NOP53: variants seen among roughly 807,000 people sequenced by gnomAD.
NOP53 encodes NOP53 ribosome biogenesis factor.
A neutral mutation model predicts 61.0 loss-of-function variants in NOP53; 40 were observed. The ratio of observed to expected loss-of-function variants is 0.66; its 90% CI spans 0.51 to 0.85. The LOEUF (loss-of-function observed/expected upper bound fraction) is 0.85, where lower values mean the gene tolerates loss of function less well. NOP53 is among the 40% of genes least tolerant of loss of function. NOP53 has a pLI of 0.00. For missense variants in NOP53, 689 were observed against 652.9 expected (o/e 1.06, Z -0.60); for synonymous variants, 308 against 289.5 (o/e 1.06, Z -0.65).
At chr19:47,746,116 A>G (rs952679638) in intron 1 of NOP53, 5 of 345,004 alleles carry the variant, frequency 1.4e-5, no homozygotes, top group East Asian at 5.6e-5. Flanking sequence ...GTGTGTATGT[A>G]TATATGTGTG....
intron 10 of NOP53, 182 bp from the exon 11 acceptor site, chr19:47,756,346 G>T: frequency 1.7e-6 from 1 of 600,788 alleles, no homozygotes; most frequent in South Asian, 2.0e-5. Context: ...GATGGCCATA[G>T]GTTGGTGGCT....
At chr19:47,753,268 A>G (rs941770534) in intron 6 of NOP53, 2 of 152,250 alleles carry the variant, frequency 1.3e-5, no homozygotes, top group African/African-American at 4.8e-5. Flanking sequence ...ACATGGTGAA[A>G]CCCTGTCTCT....
At chr19:47,746,325 G>A (rs1967064582) in intron 1 of NOP53, 1 of 152,402 alleles carries the variant, frequency 6.6e-6, no homozygotes. Context: ...TGGGATTACA[G>A]GCGGGCGCCA....
rs769705489 is a variant in NOP53, at chr19:47,750,238, G to C, written c.350G>C (p.Arg117Pro). Reference protein sequence around the residue: ...KKSLLLKKPLRVDLILENTSK... With the variant: ...KKSLLLKKPLPVDLILENTSK... ...TCACTGCTTCTCAAGAAACCCCTTC[G>C]GGTTGACCTCATCCTCGAGAACACA... Residue 117 changes from arginine (R) to proline (P), a missense_variant, in exon 3 of 13, where the codon CGG (arginine) becomes CCG (proline). Arg to Pro is a moderately radical substitution (Grantham distance 103, BLOSUM62 -2). Coordinates refer to ENST00000246802, the MANE Select transcript of NOP53 (RefSeq NM_015710.5). The C allele has an allele frequency of 1.4e-5, 23 of 1,612,816 alleles. No homozygotes were observed. Among genetic ancestry groups the C allele is most frequent in the Non-Finnish European group, 2.0e-5 (23 of 1,178,816 alleles).
At chr19:47,750,119 G>T in intron 2 of NOP53, 59 bp from the exon 3 acceptor site, 1 of 1,040,830 alleles carries the variant, frequency 9.6e-7, no homozygotes, top group Non-Finnish European at 1.5e-6. Context: ...GAATAGGGTG[G>T]GTGGTCTTTG....
chr19:47,748,374 G>A (rs1967088545), intron 2 of NOP53, among the ~76,000 whole-genome samples: 1 of 152,122 alleles, frequency 6.6e-6, no homozygotes, highest in African/African-American at 2.4e-5. Flanking sequence ...GTGAGTAATA[G>A]TGTTTACTTC....
intron 9 of NOP53, 93 bp downstream of exon 9, chr19:47,755,616 C>G: frequency 7.9e-7 from 1 of 1,260,254 alleles, no homozygotes; most frequent in South Asian, 1.5e-5. Flanking sequence ...GAACTGCCCA[C>G]CCCCCCCATC....
chr19:47,747,380 G>T (rs549814512), intron 2 of NOP53, among the ~76,000 whole-genome samples: 1 of 152,052 alleles, frequency 6.6e-6, no homozygotes, highest in African/African-American at 2.4e-5. Context: ...GGTGAGTCAC[G>T]CCTGTATTCC....
chr19:47,755,940 C>A, intron 10 of NOP53, 118 bp downstream of exon 10: 1 of 790,430 alleles, frequency 1.3e-6, no homozygotes, highest in Non-Finnish European at 2.1e-6. Context: ...GCCAGTGGGG[C>A]CAATGCCCAG....
In NOP53 at chr19:47,747,187, A is replaced by T. The variant is rs375112069; in HGVS notation, c.289+156A>T. 8.5e-5 allele frequency among the ~76,000 whole-genome samples: 13 copies of T among 152,272 alleles called. No individual in the cohort carries two copies. The East Asian group carries it at 2.1e-3, about 25-fold the overall frequency. On this transcript the variant is annotated intron_variant, in intron 2 of 12. Transcript: ENST00000246802. ...AAACAAGGGGACCTCAAATGGGCAGAAAGCAAGCTGGAGACGAACTTAGAG... is the reference window on the plus strand; with the variant it reads ...AAACAAGGGGACCTCAAATGGGCAGTAAGCAAGCTGGAGACGAACTTAGAG...
At chr19:47,745,829 A>C (rs531876809) in intron 1 of NOP53, 46 bp downstream of exon 1, 3 of 1,064,140 alleles carry the variant, frequency 2.8e-6, no homozygotes, top group South Asian at 3.2e-5. Flanking sequence ...TCCTGCGCCC[A>C]GGTGCAAGGC....
chr19:47,755,370 G>C lies in NOP53; in HGVS notation c.1076G>C (p.Arg359Pro). The C allele has an allele frequency of 6.6e-7, 1 of 1,518,636 alleles. No homozygotes were observed. Among genetic ancestry groups the C allele is most frequent in the Non-Finnish European group, 8.8e-7 (1 of 1,139,508 alleles). 94.1% of individuals were successfully genotyped at this position (1,518,636 alleles called of 1,614,324 possible). The change falls in exon 9 of 13, where the codon CGG becomes CCG. Residue 359 changes from arginine to proline, a missense_variant. By Grantham distance (103) the Arg-to-Pro change is moderately radical. Transcript: ENST00000246802. ...CAGCGGGTACAGCAGGCCGCGTTGC[G>C]GGCCGCCCGGCTCCGGCACCAGGAG... ...HRLRVQQAAL[R>P]AARLRHQELF...
Position 47,754,837 on chromosome 19 carries a change from C to G in NOP53, c.999C>G (p.Thr333=). 6.5e-7 allele frequency: 1 copy of G among 1,542,698 alleles called. No individual in the cohort carries two copies. The highest frequency in any genetic ancestry group is 1.2e-5 in the South Asian group (1 of 82,682). The change falls in exon 8 of 13, where the codon ACC becomes ACG. Residue 333 remains threonine, a synonymous_variant. Transcript: ENST00000246802. This position sits in a 1 kb window ranked among gnomAD's most constrained non-coding sequence, Gnocchi z 4.2. The part of the protein sequence containing the change: ...EVCPTPARLA[T]TEKKTEQQRR... ...GTCCCACGCCCGCCCGCCTGGCCAC[C>G]ACAGAGAAGAAGACGGAGCAGCAGC...
At chr19:47,750,808 A>T in intron 3 of NOP53, 100 bp from the exon 4 acceptor site, 3 of 946,512 alleles carry the variant, frequency 3.2e-6, no homozygotes. Flanking sequence ...GGGGTGCTGA[A>T]GCTGCCTTAA....
chr19:47,754,209 G>A lies in NOP53; in HGVS notation c.766-318G>A, dbSNP rs376884013. 5 of 292,934 alleles carry A rather than the reference G, an allele frequency of 1.7e-5. No individual in the cohort carries two copies. Among genetic ancestry groups the A allele is most frequent in the African/African-American group, 8.7e-5 (4 of 46,078 alleles). 18.1% of individuals were successfully genotyped at this position (292,934 alleles called of 1,614,324 possible). ...GGAGAATCGCTTGAACCCAGGAGGC[G>A]GGGGTTGTGGTGAGCTGAGATCACA... is the stretch of plus-strand genomic sequence containing the variant. On this transcript the variant is annotated intron_variant, in intron 6 of 12. Transcript: ENST00000246802. This position sits in a 1 kb window ranked among gnomAD's most constrained non-coding sequence, Gnocchi z 4.2.
At chr19:47,753,500 A>G (rs186370181) in intron 6 of NOP53, 12 of 145,664 alleles carry the variant, frequency 8.2e-5, no homozygotes, top group African/African-American at 2.1e-4. Flanking sequence ...GACTGGAGAG[A>G]TGCTGAGATG....
intron 10 of NOP53, 72 bp from the exon 11 acceptor site, chr19:47,756,456 G>C (rs1967199039): frequency 7.8e-7 from 1 of 1,274,556 alleles, no homozygotes. Flanking sequence ...AGCCCTGCCA[G>C]GACCCCGAGG....
In NOP53 at chr19:47,747,779, CTTTTTTTTT is replaced by C. The variant is rs750831883; in HGVS notation, c.289+765_289+773del. Among the ~76,000 whole-genome samples, 8 of 56,866 alleles carry C rather than the reference CTTTTTTTTT, an allele frequency of 1.4e-4. No homozygotes were observed. The East Asian group carries it at 1.5e-3, about 10-fold the overall frequency. 37.3% of individuals were successfully genotyped at this position (56,866 alleles called of 152,430 possible). On this transcript the variant is annotated intron_variant, in intron 2 of 12. Transcript: ENST00000246802. ...CTAATTTCTTTTCTTTTCTCTCTCT[CTTTTTTTTT>C]TTTTTTTTTTTTTTTTGAGATGGAG...
chr19:47,755,100 C>T (rs1186131832), intron 8 of NOP53, among the ~76,000 whole-genome samples: 1 of 152,088 alleles, frequency 6.6e-6, no homozygotes, highest in Non-Finnish European at 1.5e-5. Context: ...GGACAGGGTC[C>T]CTGGCGCTTC....
Sources: allele counts gnomAD v4.1 joint callset (sites outside exome capture counted in the v4.1 genomes callset), GRCh38; gene constraint gnomAD v4.1.1; non-coding constraint Gnocchi (gnomAD v3.1); transcripts MANE v1.5; gene names NCBI Gene and HGNC (gene_info 2026-07-23, HGNC 2026-07-21).